Variants in SHISA5 observed in about 807,000 individuals in gnomAD.
The protein encoded by SHISA5 is protein shisa-5.
SHISA5 carries 21 observed loss-of-function variants against 27.5 expected under a neutral mutation model. The observed-to-expected ratio is 0.76, with a 90% CI of 0.54 to 1.10. The LOEUF (loss-of-function observed/expected upper bound fraction) is 1.10. Among genes scored for constraint, SHISA5 ranks in the 50% least tolerant of loss-of-function variants. SHISA5 has a pLI of 0.00. For missense variants in SHISA5, 314 were observed against 336.3 expected (o/e 0.93, Z 0.52); for synonymous variants, 137 against 142.2 (o/e 0.96, Z 0.26).
chr3:48,483,908 G>A (rs2041116650), intron 2 of SHISA5, among the ~76,000 whole-genome samples: 1 of 152,280 alleles, frequency 6.6e-6, no homozygotes, highest in Non-Finnish European at 1.5e-5. Context: ...GTAGACATAA[G>A]GTCTCACTAT....
At chr3:48,481,557 G>GAGGAGGGCGGATCATGAGATC (rs1204045567) in intron 2 of SHISA5, among the ~76,000 whole-genome samples, 3 of 152,010 alleles carry the variant, frequency 2.0e-5, no homozygotes, top group Non-Finnish European at 4.4e-5. Flanking sequence ...TTGGGAGGCT[G>GAGGAGGGCGGATCATGAGATC]AGGAGGGCGG....
Position 48,469,107 on chromosome 3 carries a change from T to C in SHISA5, c.723A>G (p.Ter241TrpextTer123), listed in dbSNP as rs1350279861. Residue 241 changes from the stop codon to tryptophan, a stop_lost, in exon 6 of 6, where the codon TGA becomes TGG. Transcript: ENST00000296444. This position sits in a 1 kb window ranked among gnomAD's most constrained non-coding sequence, Gnocchi z 4.6. Reference protein sequence around the residue: ...AYMDAPKAAL* With the variant: ...AYMDAPKAALW ...GGCAGCCAGAGAGGCCAGGGAATGC[T>C]CAGAGGGCCGCCTTCGGGGCATCCA... 1 of 1,612,786 alleles carries C rather than the reference T, an allele frequency of 6.2e-7. No homozygotes were observed. Among genetic ancestry groups the C allele is most frequent in the African/African-American group, 1.3e-5 (1 of 74,866 alleles).
In SHISA5 at chr3:48,473,563, A is replaced by T. The variant is rs554656794; in HGVS notation, c.315-3720T>A. 3.7e-5 allele frequency: 47 copies of T among 1,268,952 alleles called. No individual in the cohort carries two copies. In the South Asian group the frequency reaches 6.0e-4, roughly 16 times the overall value. 78.6% of individuals were successfully genotyped at this position (1,268,952 alleles called of 1,614,324 possible). On this transcript the variant is annotated intron_variant, in intron 3 of 5. Transcript: ENST00000296444. The surrounding 1 kb of genome is among the most constrained non-coding windows in gnomAD (Gnocchi z 4.3). ...CTGTCCCTTTAGCTCCTCCTCTCCC[A>T]CCAGCACTCTCTCCAATCTGTCTCC...
intron 2 of SHISA5, among the ~76,000 whole-genome samples, chr3:48,485,498 T>G (rs1053225583): frequency 4.2e-5 from 6 of 141,922 alleles, no homozygotes; most frequent in Non-Finnish European, 9.0e-5. Context: ...CAAAACTCCA[T>G]CTCAAAAAAT....
intron 2 of SHISA5, among the ~76,000 whole-genome samples, chr3:48,490,712 C>A (rs902682706): frequency 1.3e-5 from 2 of 152,134 alleles, no homozygotes; most frequent in African/African-American, 4.8e-5. Context: ...GAAAAAAAAT[C>A]AAAACATTTT....
At chr3:48,482,686 A>G (rs2041063006) in intron 2 of SHISA5, among the ~76,000 whole-genome samples, 1 of 151,672 alleles carries the variant, frequency 6.6e-6, no homozygotes, top group African/African-American at 2.4e-5. Flanking sequence ...CCCAGGCTGG[A>G]GTGCAGTGGT....
In SHISA5 at chr3:48,468,673, G is replaced by A. The variant is rs2040451882; in HGVS notation, c.*434C>T. On this transcript the variant is annotated 3_prime_UTR_variant, in exon 6 of 6. Coordinates refer to ENST00000296444, the MANE Select transcript of SHISA5 (RefSeq NM_016479.6). Reference sequence around the variant, plus strand: ...TCAAGCAGCAGCTGGCTACGCTGCCGAAACCAGGACACATCTGCATCACAC... The same window carrying A: ...TCAAGCAGCAGCTGGCTACGCTGCCAAAACCAGGACACATCTGCATCACAC... 1.2e-5 allele frequency: 15 copies of A among 1,219,350 alleles called. No homozygotes were observed. Among genetic ancestry groups the A allele is most frequent in the Admixed American group, 3.1e-5 (1 of 31,828 alleles). The allele number at this position is 1,219,350 out of a possible 1,614,324, so 75.5% of individuals were successfully genotyped here. A position where few individuals can be genotyped will look rare whatever the true frequency, so the allele number is the denominator to read the frequency against.
intron 1 of SHISA5, chr3:48,502,687 T>C: frequency 3.1e-6 from 1 of 327,036 alleles, no homozygotes; most frequent in South Asian, 2.5e-5. Context: ...GAAGGAACAG[T>C]ACCGGATTCT....
intron 2 of SHISA5, among the ~76,000 whole-genome samples, chr3:48,484,949 T>C (rs1027621412): frequency 1.3e-5 from 2 of 152,112 alleles, no homozygotes; most frequent in Non-Finnish European, 2.9e-5. Flanking sequence ...CATGTAGTAC[T>C]TTGGGAGGCC....
Position 48,469,092 on chromosome 3 carries a change from G to C in SHISA5, c.*15C>G, listed in dbSNP as rs2040481361. Reference sequence around the variant, plus strand: ...ACAACATAACCAAGTGGCAGCCAGAGAGGCCAGGGAATGCTCAGAGGGCCG... The same window carrying C: ...ACAACATAACCAAGTGGCAGCCAGACAGGCCAGGGAATGCTCAGAGGGCCG... On this transcript the variant is annotated 3_prime_UTR_variant, in exon 6 of 6. Coordinates refer to ENST00000296444, the MANE Select transcript of SHISA5 (RefSeq NM_016479.6). This position sits in a 1 kb window ranked among gnomAD's most constrained non-coding sequence, Gnocchi z 4.6. 3 of 1,612,768 alleles carry C rather than the reference G, an allele frequency of 1.9e-6. No individual in the cohort carries two copies. In the Admixed American group the frequency reaches 5.0e-5, roughly 27 times the overall value.
intron 3 of SHISA5, among the ~76,000 whole-genome samples, chr3:48,472,063 G>A (rs184425935): frequency 6.6e-6 from 1 of 151,868 alleles, no homozygotes; most frequent in African/African-American, 2.4e-5. Flanking sequence ...CAAAACTGTA[G>A]TCCCAGCTAC....
At chr3:48,504,200 G>A (rs1277533726), upstream of SHISA5, 6 of 458,602 alleles carry the variant, frequency 1.3e-5, no homozygotes, top group Non-Finnish European at 1.1e-5. This position sits in a 1 kb window ranked among gnomAD's most constrained non-coding sequence, Gnocchi z 4.0. Context: ...CCCCGCCCCG[G>A]CCCGGCTGGT....
intron 2 of SHISA5, among the ~76,000 whole-genome samples, chr3:48,490,851 T>A (rs2041399729): frequency 1.3e-5 from 2 of 152,122 alleles, no homozygotes; most frequent in Non-Finnish European, 2.9e-5. Context: ...ACCCTCCCAA[T>A]CCTAAAGAGA....
chr3:48,504,252 A>AGGAGGAG (rs910523353), upstream of SHISA5: 145 of 355,354 alleles, frequency 4.1e-4, no homozygotes, highest in South Asian at 1.7e-3. This position sits in a 1 kb window ranked among gnomAD's most constrained non-coding sequence, Gnocchi z 4.0. Flanking sequence ...AGGAGGAGGG[A>AGGAGGAG]GGAGGAGGGA....
chr3:48,475,088 C>CTCACT (rs1230972869), intron 3 of SHISA5, among the ~76,000 whole-genome samples: 1 of 152,062 alleles, frequency 6.6e-6, no homozygotes, highest in Non-Finnish European at 1.5e-5. Context: ...CAGTGCCTAG[C>CTCACT]ATATAGTGAG....
At chr3:48,502,321 C>T (rs1183813919) in intron 1 of SHISA5, 1 of 453,774 alleles carries the variant, frequency 2.2e-6, no homozygotes. Context: ...TCACACCCAC[C>T]ATACCAGCGT....
chr3:48,469,488 T>C lies in SHISA5; in HGVS notation c.516A>G (p.Pro172=), dbSNP rs542450266. 4.9e-5 allele frequency: 79 copies of C among 1,613,882 alleles called. No homozygotes were observed. Among genetic ancestry groups the C allele is most frequent in the Non-Finnish European group, 6.6e-5 (78 of 1,179,908 alleles). ...PPSVPPSYPG[P]SYQGYHTMPP... ...GCATGGTGTGGTAGCCCTGGTAGCTTGGTCCAGGGTAGCTGGGCGGCACAC... is the reference window on the plus strand; with the variant it reads ...GCATGGTGTGGTAGCCCTGGTAGCTCGGTCCAGGGTAGCTGGGCGGCACAC... Residue 172 remains proline, a synonymous_variant, in exon 5 of 6, where the codon CCA becomes CCG. Transcript: ENST00000296444. This position sits in a 1 kb window ranked among gnomAD's most constrained non-coding sequence, Gnocchi z 4.6.
intron 2 of SHISA5, among the ~76,000 whole-genome samples, chr3:48,487,213 A>T (rs2041279088): frequency 6.6e-6 from 1 of 152,186 alleles, no homozygotes; most frequent in African/African-American, 2.4e-5. Context: ...AACAAATTCC[A>T]TATACCAATT....
At chr3:48,478,287 T>C (rs79733115) in intron 3 of SHISA5, among the ~76,000 whole-genome samples, 3,173 of 152,284 alleles carry the variant, frequency 0.021, 100 homozygotes, top group African/African-American at 0.068. Flanking sequence ...AGCCCTGCCC[T>C]GATTCTGCTG....
Sources: gnomAD v4.1 joint callset for allele counts (sites outside exome capture counted in the v4.1 genomes callset) on GRCh38, gnomAD v4.1.1 for gene constraint, Gnocchi (gnomAD v3.1) non-coding constraint, MANE v1.5 for transcripts, NCBI Gene and HGNC (gene_info 2026-07-23, HGNC 2026-07-21) for gene names.